XAGE5: variants seen among roughly 807,000 people sequenced by gnomAD.
The protein encoded by XAGE5 is G antigen, family D, 5.
Under a neutral mutation model 13.1 loss-of-function variants are expected in XAGE5, and 13 were observed. The ratio of observed to expected loss-of-function variants is 0.99; its 90% CI spans 0.64 to 1.57. The LOEUF (loss-of-function observed/expected upper bound fraction) is 1.57, where lower values mean the gene tolerates loss of function less well. Ranked by LOEUF, XAGE5 falls within the 40% of genes most tolerant of loss-of-function variation. XAGE5 has a pLI of 0.00. For synonymous variants in XAGE5, 17 were observed against 25.0 expected, an observed-to-expected ratio of 0.68 and a Z score of 0.96; for missense variants, 86 against 77.6, an observed-to-expected ratio of 1.11 and a Z score of -0.41.
intron 3 of XAGE5, 75 bp downstream of exon 3, chrX:52,812,713 AG>A: frequency 1.1e-6 from 1 of 913,140 alleles, no homozygotes; most frequent in African/African-American, 1.9e-5. Context: ...GAACTAGTAT[AG>A]ATACACTGAT....
intron 5 of XAGE5, among the ~76,000 whole-genome samples, 197 bp downstream of exon 5, chrX:52,815,414 A>G (rs1220792486): frequency 8.9e-6 from 1 of 112,469 alleles, no homozygotes; most frequent in Non-Finnish European, 1.9e-5. Context: ...AAATTGGGTG[A>G]AAGCCATATT....
chrX:52,816,971 A>G (rs1926916183), intron 5 of XAGE5, among the ~76,000 whole-genome samples: 1 of 112,535 alleles, frequency 8.9e-6, no homozygotes, highest in Admixed American at 9.4e-5. Context: ...AATCATTAAC[A>G]AAAGGAAAAC....
chrX:52,817,787 T>C (rs1304178594), intron 5 of XAGE5, among the ~76,000 whole-genome samples: 1 of 112,197 alleles, frequency 8.9e-6, no homozygotes, highest in African/African-American at 3.2e-5. Flanking sequence ...AAATTATGCA[T>C]TTTTTCTGGA....
chrX:52,813,204 G>A lies in XAGE5; in HGVS notation c.137G>A (p.Gly46Asp). The A allele has an allele frequency of 8.3e-7, 1 of 1,211,016 alleles. No individual in the cohort carries two copies. ...PPTESQDHTP[G>D]QKREDDQGAA... ...ACTGAAAGTCAGGATCATACACCTG[G>A]TCAGAAGAGAGAAGATGATCAGGGT... Residue 46 changes from glycine (G) to aspartate (D), a missense_variant, in exon 4 of 6, where the codon GGT (glycine) becomes GAT (aspartate). By Grantham distance (94) the Gly-to-Asp change is moderately conservative. Coordinates refer to ENST00000375501, the MANE Select transcript of XAGE5 (RefSeq NM_001386970.1).
intron 5 of XAGE5, among the ~76,000 whole-genome samples, chrX:52,815,899 T>A (rs781895243): frequency 8.9e-6 from 1 of 112,282 alleles, no homozygotes; most frequent in Admixed American, 9.4e-5. Context: ...TTTTGTCAAA[T>A]CCTGAATTCT....
intron 2 of XAGE5, among the ~76,000 whole-genome samples, 171 bp downstream of exon 2, chrX:52,811,890 A>G (rs1926804187): frequency 9.0e-6 from 1 of 111,178 alleles, no homozygotes; most frequent in Non-Finnish European, 1.9e-5. Context: ...ATGCATTCCA[A>G]CAAAACTCGA....
At chrX:52,814,208 G>C in intron 4 of XAGE5, 1 of 330,019 alleles carries the variant, frequency 3.0e-6, no homozygotes, top group Non-Finnish European at 5.9e-6. Context: ...TATTGGCTCA[G>C]GACAAAACGC....
At chrX:52,816,613 A>AGTCCAC (rs1926910891) in intron 5 of XAGE5, among the ~76,000 whole-genome samples, 2 of 112,403 alleles carry the variant, frequency 1.8e-5, no homozygotes, top group Non-Finnish European at 3.8e-5. Context: ...TAGTCCACAG[A>AGTCCAC]AGTATCTTTT....
rs1556778291 is a variant in XAGE5 at position 52,818,233 on chromosome X, T to C, written c.*20T>C. ...CTTTAAACGAAGACAACCAAAAGAA[T>C]GCAAACTGGATTTATCCGAGATATT... On this transcript the variant is annotated 3_prime_UTR_variant, in exon 6 of 6. Transcript: ENST00000375501. 1.7e-6 allele frequency: 2 copies of C among 1,210,636 alleles called. No homozygotes were observed. Among genetic ancestry groups the C allele is most frequent in the East Asian group, 5.9e-5 (2 of 33,859 alleles).
At position 52,811,401 on chromosome X, in the gene XAGE5, G is replaced by A. The variant is rs782815626; in HGVS notation, c.-192G>A. Among the ~76,000 whole-genome samples, 2 of 111,752 alleles carry A rather than the reference G, an allele frequency of 1.8e-5. No homozygotes were observed. Among genetic ancestry groups the A allele is most frequent in the Admixed American group, 1.9e-4 (2 of 10,572 alleles). ...AGTAGGTCCACAGGCCGATCCAACT[G>A]GGAGTTGAAGTGTGAGTGAGAGTGC... is the stretch of plus-strand genomic sequence containing the variant. On this transcript the variant is annotated 5_prime_UTR_variant, in exon 1 of 6. Coordinates refer to ENST00000375501, the MANE Select transcript of XAGE5 (RefSeq NM_001386970.1).
chrX:52,812,462 C>T (rs1556777462), intron 2 of XAGE5, 97 bp from the exon 3 acceptor site: 11 of 682,088 alleles, frequency 1.6e-5, no homozygotes, highest in African/African-American at 1.3e-4. Flanking sequence ...TTAGTAGAGA[C>T]GGGGTTTCAC....
intron 5 of XAGE5, among the ~76,000 whole-genome samples, chrX:52,815,648 T>C (rs1363936675): frequency 8.9e-6 from 1 of 112,911 alleles, no homozygotes; most frequent in African/African-American, 3.2e-5. Context: ...TTTGCTTTTA[T>C]TGAAAGTAGT....
chrX:52,818,247 A>C lies in XAGE5; in HGVS notation c.*34A>C. 1 of 1,206,432 alleles carries C rather than the reference A, an allele frequency of 8.3e-7. No individual in the cohort carries two copies. The highest frequency in any genetic ancestry group is 1.1e-6 in the Non-Finnish European group (1 of 891,339). On this transcript the variant is annotated 3_prime_UTR_variant, in exon 6 of 6. Coordinates refer to ENST00000375501, the MANE Select transcript of XAGE5 (RefSeq NM_001386970.1). ...AACCAAAAGAATGCAAACTGGATTT[A>C]TCCGAGATATTTGACTTTTAAAAAT...
At chrX:52,814,766 C>T in intron 4 of XAGE5, 1 of 197,984 alleles carries the variant, frequency 5.1e-6, no homozygotes, top group Non-Finnish European at 9.3e-6. Context: ...TAAGATTTGT[C>T]ATAAGCTCAC....
intron 1 of XAGE5, among the ~76,000 whole-genome samples, 21 bp from the exon 2 acceptor site, chrX:52,811,527 A>G (rs934852092): frequency 2.7e-5 from 3 of 111,112 alleles, no homozygotes; most frequent in Non-Finnish European, 3.8e-5. Context: ...CCCCGCAGCT[A>G]TGGGCCTTCT....
intron 3 of XAGE5, 46 bp downstream of exon 3, chrX:52,812,684 T>C (rs1556777528): frequency 8.8e-7 from 1 of 1,138,336 alleles, no homozygotes; most frequent in Admixed American, 2.2e-5. Flanking sequence ...AGAAATTTTT[T>C]TGTGTGGTAG....
intron 5 of XAGE5, among the ~76,000 whole-genome samples, chrX:52,815,893 G>T (rs782700377): frequency 8.9e-6 from 1 of 112,065 alleles, no homozygotes; most frequent in African/African-American, 3.2e-5. Context: ...CTTGGATTTT[G>T]TCAAATCCTG....
At chrX:52,812,980 G>A (rs1201518289) in intron 3 of XAGE5, among the ~76,000 whole-genome samples, 160 bp from the exon 4 acceptor site, 1 of 112,170 alleles carries the variant, frequency 8.9e-6, no homozygotes, top group Non-Finnish European at 1.9e-5. Flanking sequence ...TGAAGAATAA[G>A]TATGTGGAAT....
intron 4 of XAGE5, 70 bp downstream of exon 4, chrX:52,813,315 T>A: frequency 1.0e-6 from 1 of 982,122 alleles, no homozygotes; most frequent in Non-Finnish European, 1.4e-6. Flanking sequence ...CCTTATGCCA[T>A]GACCAGTAAC....
Sources: gnomAD v4.1 joint callset for allele counts (sites outside exome capture counted in the v4.1 genomes callset) on GRCh38, gnomAD v4.1.1 for gene constraint, MANE v1.5 for transcripts, NCBI Gene and HGNC (gene_info 2026-07-23, HGNC 2026-07-21) for gene names.